The following GPATCH2 variants were observed in gnomAD, a reference collection of about 807,000 sequenced individuals.
GPATCH2 encodes the protein G-patch domain containing 2.
GPATCH2 carries 51 observed loss-of-function variants against 58.0 expected under a neutral mutation model. That is an observed-to-expected ratio of 0.88 (90% CI 0.70 to 1.11). The LOEUF (loss-of-function observed/expected upper bound fraction) is 1.11, where lower values mean the gene tolerates loss of function less well. Among genes scored for constraint, GPATCH2 ranks in the 50% most tolerant of loss-of-function variants. GPATCH2 has a pLI of 0.00. For synonymous variants in GPATCH2, 222 were observed against 218.5 expected (o/e 1.02, Z -0.14); for missense variants, 625 against 652.2 (o/e 0.96, Z 0.45).
intron 2 of GPATCH2, among the ~76,000 whole-genome samples, chr1:217,615,161 C>T (rs1668824216): frequency 6.6e-6 from 1 of 151,758 alleles, no homozygotes; most frequent in South Asian, 2.1e-4. Flanking sequence ...GGCATCCTAA[C>T]TTGTTTTAAA....
intron 5 of GPATCH2, among the ~76,000 whole-genome samples, chr1:217,530,683 G>A (rs1571870202): frequency 6.6e-6 from 1 of 152,060 alleles, no homozygotes; most frequent in African/African-American, 2.4e-5. Flanking sequence ...TGTATCAGAA[G>A]TGCAGATACA....
At chr1:217,480,271 G>A (rs904966702) in intron 8 of GPATCH2, among the ~76,000 whole-genome samples, 1 of 151,850 alleles carries the variant, frequency 6.6e-6, no homozygotes, top group African/African-American at 2.4e-5. Flanking sequence ...AGAAAAATAA[G>A]GAGCTCAAAC....
intron 1 of GPATCH2, among the ~76,000 whole-genome samples, chr1:217,623,272 A>T (rs1175269534): frequency 6.6e-6 from 1 of 152,168 alleles, no homozygotes; most frequent in Non-Finnish European, 1.5e-5. Context: ...TATGAATATA[A>T]TATCAAATTA....
At chr1:217,580,990 TG>T (rs1436918246) in intron 5 of GPATCH2, among the ~76,000 whole-genome samples, 2 of 31,662 alleles carry the variant, frequency 6.3e-5, no homozygotes, top group Non-Finnish European at 1.2e-4. Flanking sequence ...CAGTCCAGCC[TG>T]GGCGACAGAG....
chr1:217,519,879 G>T (rs1663361408), intron 5 of GPATCH2, among the ~76,000 whole-genome samples: 1 of 152,120 alleles, frequency 6.6e-6, no homozygotes, highest in Non-Finnish European at 1.5e-5. Flanking sequence ...TTCCCTTTCA[G>T]TTGGGTGATT....
chr1:217,448,921 T>A (rs1003695931), intron 9 of GPATCH2, among the ~76,000 whole-genome samples: 3 of 152,198 alleles, frequency 2.0e-5, no homozygotes, highest in Non-Finnish European at 4.4e-5. Flanking sequence ...TGGGGTTATT[T>A]GTCATTTCAT....
At chr1:217,464,819 G>C (rs540529589) in intron 8 of GPATCH2, among the ~76,000 whole-genome samples, 1 of 152,208 alleles carries the variant, frequency 6.6e-6, no homozygotes, top group South Asian at 2.1e-4. Context: ...CTTCTTAAAA[G>C]TACAGGAAAC....
chr1:217,478,288 A>ACCC (rs1661056210), intron 8 of GPATCH2, among the ~76,000 whole-genome samples: 1 of 152,050 alleles, frequency 6.6e-6, no homozygotes, highest in Non-Finnish European at 1.5e-5. Flanking sequence ...GGAAAACATG[A>ACCC]CCCCACCACA....
intron 5 of GPATCH2, among the ~76,000 whole-genome samples, chr1:217,591,156 T>C (rs1207755788): frequency 6.6e-6 from 1 of 152,032 alleles, no homozygotes; most frequent in Non-Finnish European, 1.5e-5. Context: ...ACAGGGAGAA[T>C]AGCTAGGCTA....
At chr1:217,581,955 G>A (rs1667103901) in intron 5 of GPATCH2, among the ~76,000 whole-genome samples, 1 of 152,050 alleles carries the variant, frequency 6.6e-6, no homozygotes, top group Admixed American at 6.6e-5. Flanking sequence ...CGTCTGGGGG[G>A]AAGAAAAGAA....
intron 7 of GPATCH2, among the ~76,000 whole-genome samples, chr1:217,497,648 T>C (rs1662078249): frequency 1.3e-5 from 2 of 152,160 alleles, no homozygotes; most frequent in Admixed American, 1.3e-4. Context: ...GAAGAAATGA[T>C]TCCTGAAGAT....
At chr1:217,481,749 C>CAGA (rs1481493552) in intron 8 of GPATCH2, among the ~76,000 whole-genome samples, 1 of 152,064 alleles carries the variant, frequency 6.6e-6, no homozygotes, top group Non-Finnish European at 1.5e-5. Flanking sequence ...CCCAGCTAAT[C>CAGA]AGAAGGCTGA....
At chr1:217,584,402 AC>A (rs1221359474) in intron 5 of GPATCH2, among the ~76,000 whole-genome samples, 6 of 147,716 alleles carry the variant, frequency 4.1e-5, no homozygotes, top group Admixed American at 2.8e-4. Context: ...GTTGGCAGGC[AC>A]CCGTAATCCC....
chr1:217,500,937 T>C (rs1233202897), intron 6 of GPATCH2, among the ~76,000 whole-genome samples: 2 of 152,120 alleles, frequency 1.3e-5, no homozygotes, highest in African/African-American at 4.8e-5. Context: ...GTAGAGATCC[T>C]GTGCACCTTT....
rs370992433 is a variant in GPATCH2 at position 217,611,076 on chromosome 1, G to A, written c.836-5C>T. On this transcript the variant is annotated splice_polypyrimidine_tract_variant and splice_region_variant and intron_variant, in intron 3 of 9. Coordinates refer to ENST00000366935, the MANE Select transcript of GPATCH2 (RefSeq NM_018040.5). ...AGTCACTCTGTTCATCATCACCTGT[G>A]CAAATACAAGAAACCCCCCCCCACC... The A allele has an allele frequency of 5.0e-6, 8 of 1,603,552 alleles. No homozygotes were observed. The highest frequency in any genetic ancestry group is 6.8e-6 in the Non-Finnish European group (8 of 1,174,982).
At chr1:217,608,915 A>G (rs1668490459) in intron 5 of GPATCH2, 3 of 983,428 alleles carry the variant, frequency 3.1e-6, no homozygotes, top group Non-Finnish European at 3.6e-6. Context: ...CTAAAAGAAG[A>G]TGTCACACAT....
chr1:217,544,193 G>C (rs912440667), intron 5 of GPATCH2, among the ~76,000 whole-genome samples: 3 of 152,146 alleles, frequency 2.0e-5, no homozygotes, highest in Non-Finnish European at 1.5e-5. Flanking sequence ...TCAAGAGTTC[G>C]AAACAAGCCT....
chr1:217,613,018 G>GT lies in GPATCH2; in HGVS notation c.835+1122dup, dbSNP rs537381621. Among the ~76,000 whole-genome samples the GT allele has an allele frequency of 9.9e-3, 1,501 of 151,320 alleles. 27 individuals are homozygous for GT. Among genetic ancestry groups the GT allele is most frequent in the African/African-American group, 0.034 (1,420 of 41,232 alleles). ...ATCAAAGATTGACAGGCTTGTCAAA[G>GT]TTTTTTTTTACTTTTTTTCATTTCA... On this transcript the variant is annotated intron_variant, in intron 3 of 9. Transcript: ENST00000366935.
rs533382343 is a variant in GPATCH2 at position 217,567,848 on chromosome 1, G to A, written c.1098+42473C>T. The stretch of plus-strand genomic sequence containing the variant: ...AACATTATTTATGGCCAGGCGTGGT[G>A]GCTCACGCCTGTAATCCCAGCAATT... On this transcript the variant is annotated intron_variant, in intron 5 of 9. Transcript: ENST00000366935. Among the ~76,000 whole-genome samples the A allele has an allele frequency of 2.0e-5, 3 of 152,334 alleles. No homozygotes were observed. The South Asian group carries it at 6.2e-4, about 32-fold the overall frequency.
Sources: allele counts gnomAD v4.1 joint callset (sites outside exome capture counted in the v4.1 genomes callset), GRCh38; gene constraint gnomAD v4.1.1; transcripts MANE v1.5; gene names NCBI Gene and HGNC (gene_info 2026-07-23, HGNC 2026-07-21).